GATA4: variants seen among roughly 807,000 people sequenced by gnomAD.
The protein encoded by GATA4 is transcription factor GATA-4.
In GATA4, 7 loss-of-function variants were observed where a neutral mutation model predicts 37.9. The ratio of observed to expected loss-of-function variants is 0.18; its 90% CI spans 0.11 to 0.35. The LOEUF is 0.35. Among genes scored for constraint, GATA4 ranks in the 10% least tolerant of loss-of-function variants. The pLI, the probability that GATA4 is intolerant of heterozygous loss-of-function variation, is 1.00. For missense variants in GATA4, 647 were observed against 653.0 expected (o/e 0.99, Z 0.10); for synonymous variants, 372 against 292.6 (o/e 1.27, Z -2.77).
intron 2 of GATA4, among the ~76,000 whole-genome samples, chr8:11,717,978 A>G (rs1233608457): frequency 2.0e-5 from 3 of 152,246 alleles, no homozygotes; most frequent in Admixed American, 2.0e-4. Flanking sequence ...TAAGAGCAAA[A>G]CCATATGGCT....
At chr8:11,736,592 C>T (rs945602240) in intron 2 of GATA4, among the ~76,000 whole-genome samples, 3 of 152,260 alleles carry the variant, frequency 2.0e-5, no homozygotes, top group Admixed American at 2.0e-4. Flanking sequence ...TTCGTCAAGA[C>T]CCCGGGGGGT....
intron 1 of GATA4, chr8:11,681,087 T>C (rs902867103): frequency 2.4e-5 from 23 of 969,122 alleles, no homozygotes; most frequent in Admixed American, 6.2e-5. Context: ...TTGAGGGGCA[T>C]GGGTGGCGCC....
upstream of GATA4, chr8:11,692,446 A>G (rs1799343513): frequency 4.5e-6 from 4 of 882,278 alleles, no homozygotes; most frequent in African/African-American, 1.8e-5. Context: ...TATAATTCGA[A>G]TGAACCCTAA....
chr8:11,757,258 C>T (rs1304280986), intron 6 of GATA4, among the ~76,000 whole-genome samples, 175 bp downstream of exon 6: 2 of 152,220 alleles, frequency 1.3e-5, no homozygotes, highest in African/African-American at 2.4e-5. Flanking sequence ...CTCAGGGCCG[C>T]ACGAGGCTAG....
intron 2 of GATA4, among the ~76,000 whole-genome samples, chr8:11,717,428 AG>A (rs1416406841): frequency 9.2e-5 from 14 of 152,176 alleles, no homozygotes; most frequent in Non-Finnish European, 1.8e-4. Flanking sequence ...TTTCTCCAAG[AG>A]GTAGATACGA....
At chr8:11,710,476 T>G (rs1800128069) in intron 2 of GATA4, among the ~76,000 whole-genome samples, 2 of 147,578 alleles carry the variant, frequency 1.4e-5, no homozygotes, top group South Asian at 2.1e-4. Context: ...GGCCAGGAGA[T>G]CGAGACCATC....
At chr8:11,711,935 C>T (rs1800202757) in intron 2 of GATA4, among the ~76,000 whole-genome samples, 1 of 152,016 alleles carries the variant, frequency 6.6e-6, no homozygotes, top group African/African-American at 2.4e-5. Flanking sequence ...CCACTGAGCC[C>T]TAAGATGGCC....
intron 2 of GATA4, among the ~76,000 whole-genome samples, chr8:11,719,450 G>A (rs186870495): frequency 7.9e-5 from 12 of 152,160 alleles, no homozygotes; most frequent in South Asian, 2.1e-4. Context: ...AAAAGAAAAT[G>A]CTTTCCAGGC....
intron 2 of GATA4, among the ~76,000 whole-genome samples, chr8:11,725,860 C>T (rs1456280113): frequency 1.3e-5 from 2 of 152,096 alleles, no homozygotes; most frequent in South Asian, 2.1e-4. Context: ...GGCCTGGGCC[C>T]GGGGGGTGGG....
upstream of GATA4, among the ~76,000 whole-genome samples, chr8:11,690,700 T>C (rs1392183269): frequency 6.6e-6 from 1 of 152,100 alleles, no homozygotes; most frequent in African/African-American, 2.4e-5. Context: ...TGAGACCCCG[T>C]CTTTACAAAC....
At chr8:11,726,026 G>A (rs956901837) in intron 2 of GATA4, among the ~76,000 whole-genome samples, 2 of 152,200 alleles carry the variant, frequency 1.3e-5, no homozygotes, top group Non-Finnish European at 2.9e-5. Context: ...CACTAGCCTG[G>A]AAGTATTTTC....
intron 1 of GATA4, among the ~76,000 whole-genome samples, chr8:11,679,688 G>C (rs1798892803): frequency 6.6e-6 from 1 of 152,198 alleles, no homozygotes. Flanking sequence ...GAGTGGGCCG[G>C]GTGCTGGGCG....
At chr8:11,682,555 T>A (rs1799004725) in intron 1 of GATA4, among the ~76,000 whole-genome samples, 1 of 152,236 alleles carries the variant, frequency 6.6e-6, no homozygotes, top group Non-Finnish European at 1.5e-5. Flanking sequence ...AGATTTTGCT[T>A]GTAAGAAGTT....
chr8:11,723,461 T>C (rs1800769955), intron 2 of GATA4, among the ~76,000 whole-genome samples: 1 of 152,234 alleles, frequency 6.6e-6, no homozygotes, highest in Non-Finnish European at 1.5e-5. Flanking sequence ...TAAACTGAGC[T>C]CTTTTGACAA....
At position 11,709,413 on chromosome 8, in the gene GATA4, G is replaced by T. The variant is rs1386834153; in HGVS notation, c.616+485G>T. Among the ~76,000 whole-genome samples the T allele has an allele frequency of 6.6e-6, 1 of 152,220 alleles. No homozygotes were observed. Among genetic ancestry groups the T allele is most frequent in the African/African-American group, 2.4e-5 (1 of 41,462 alleles). ...ACCTTCTGGGCCATTTGGCGGCCCAGCTGGAGGATCCCTCGGGGTAGCTGA... is the reference window on the plus strand; with the variant it reads ...ACCTTCTGGGCCATTTGGCGGCCCATCTGGAGGATCCCTCGGGGTAGCTGA... On this transcript the variant is annotated intron_variant, in intron 2 of 6. Coordinates refer to ENST00000532059, the MANE Select transcript of GATA4 (RefSeq NM_001308093.3). The surrounding 1 kb of genome is among the most constrained non-coding windows in gnomAD (Gnocchi z 4.3).
chr8:11,714,048 T>C (rs1800322843), intron 2 of GATA4, among the ~76,000 whole-genome samples: 1 of 152,178 alleles, frequency 6.6e-6, no homozygotes, highest in South Asian at 2.1e-4. Flanking sequence ...TGTGAGTACT[T>C]AAGGCTGAAA....
At chr8:11,677,665 G>T (rs1318050609) in intron 1 of GATA4, among the ~76,000 whole-genome samples, 1 of 152,192 alleles carries the variant, frequency 6.6e-6, no homozygotes, top group Non-Finnish European at 1.5e-5. Flanking sequence ...CCATCGCTTG[G>T]CTTCATTAGT....
At chr8:11,732,321 A>C (rs930161592) in intron 2 of GATA4, among the ~76,000 whole-genome samples, 1 of 152,326 alleles carries the variant, frequency 6.6e-6, no homozygotes, top group Non-Finnish European at 1.5e-5. Context: ...TCATCGAACT[A>C]TTCTCCAGGG....
chr8:11,705,177 G>A (rs1481026414), intron 1 of GATA4, among the ~76,000 whole-genome samples: 1 of 152,230 alleles, frequency 6.6e-6, no homozygotes, highest in African/African-American at 2.4e-5. Context: ...GGGGCAGCGC[G>A]GCCCGCACCG....
Sources: gnomAD v4.1 joint callset for allele counts (sites outside exome capture counted in the v4.1 genomes callset) on GRCh38, gnomAD v4.1.1 for gene constraint, Gnocchi (gnomAD v3.1) non-coding constraint, MANE v1.5 for transcripts, NCBI Gene and HGNC (gene_info 2026-07-23, HGNC 2026-07-21) for gene names.